The following CADPS2 variants were observed in gnomAD, a reference collection of about 807,000 sequenced individuals.
The protein encoded by CADPS2 is calcium-dependent secretion activator 2.
Under a neutral mutation model 172.5 loss-of-function variants are expected in CADPS2, and 93 were observed. That is an observed-to-expected ratio of 0.54 (90% CI 0.46 to 0.64). The LOEUF (loss-of-function observed/expected upper bound fraction) is 0.64. Ranked by LOEUF, CADPS2 falls within the 30% of genes least tolerant of loss-of-function variation. CADPS2 has a pLI of 0.00. For missense variants in CADPS2, 1,420 were observed against 1,565.9 expected (o/e 0.91, Z 1.57); for synonymous variants, 546 against 555.2 (o/e 0.98, Z 0.23).
At chr7:122,485,100 C>G (rs1225493565) in intron 11 of CADPS2, among the ~76,000 whole-genome samples, 1 of 152,168 alleles carries the variant, frequency 6.6e-6, no homozygotes, top group Non-Finnish European at 1.5e-5. Flanking sequence ...TTCCCCATCT[C>G]TCTCCCTTTT....
At chr7:122,800,501 T>C (rs1160990667) in intron 1 of CADPS2, among the ~76,000 whole-genome samples, 1 of 152,158 alleles carries the variant, frequency 6.6e-6, no homozygotes, top group African/African-American at 2.4e-5. Context: ...CTTCTTAAAA[T>C]TGAGATTCTA....
chr7:122,812,391 C>G (rs113766340), intron 1 of CADPS2, among the ~76,000 whole-genome samples: 159 of 146,332 alleles, frequency 1.1e-3, no homozygotes, highest in African/African-American at 3.8e-3. Flanking sequence ...AAATCATAAC[C>G]ATTAAAAACA....
chr7:122,369,155 T>TGAGAGG (rs375882337), intron 25 of CADPS2, among the ~76,000 whole-genome samples: 4 of 99,464 alleles, frequency 4.0e-5, no homozygotes, highest in Non-Finnish European at 7.8e-5. Context: ...TTTTTTTTTT[T>TGAGAGG]GAGTCTCGCT....
chr7:122,836,536 T>G (rs1207623916), intron 1 of CADPS2, among the ~76,000 whole-genome samples: 3 of 152,006 alleles, frequency 2.0e-5, no homozygotes, highest in African/African-American at 7.3e-5. Flanking sequence ...AGGAGACACA[T>G]CTCACGTGCA....
chr7:122,795,514 C>T (rs1170028188), intron 1 of CADPS2, among the ~76,000 whole-genome samples: 1 of 152,070 alleles, frequency 6.6e-6, no homozygotes, highest in African/African-American at 2.4e-5. Context: ...AGCTTATCCA[C>T]CATGATCAAG....
chr7:122,643,958 T>C (rs2134614201), intron 3 of CADPS2, among the ~76,000 whole-genome samples: 1 of 152,140 alleles, frequency 6.6e-6, no homozygotes, highest in East Asian at 1.9e-4. Context: ...GTGTGGTAGC[T>C]CATGCCTGTA....
chr7:122,582,675 G>T (rs565170953), intron 6 of CADPS2, among the ~76,000 whole-genome samples: 25 of 152,170 alleles, frequency 1.6e-4, no homozygotes, highest in African/African-American at 5.1e-4. Flanking sequence ...CTTGAATATA[G>T]TCAGGCAATG....
chr7:122,705,780 AAT>A lies in CADPS2; in HGVS notation c.453+31173_453+31174del, dbSNP rs1262028390. Reference sequence around the variant, plus strand: ...ATATATAATATATGATATATTATATAATATATATCATATATAATATAATATAT... The same window carrying A: ...ATATATAATATATGATATATTATATAATATATCATATATAATATAATATAT... On this transcript the variant is annotated intron_variant, in intron 2 of 29. Transcript: ENST00000449022. Among the ~76,000 whole-genome samples, 101 of 21,032 alleles carry A rather than the reference AAT, an allele frequency of 4.8e-3. 26 individuals carry two copies. Among genetic ancestry groups the A allele is most frequent in the South Asian group, 0.019 (8 of 416 alleles). The allele number at this position is 21,032 out of a possible 152,430, so 13.8% of individuals were successfully genotyped here.
At chr7:122,395,476 G>A (rs975980871) in intron 20 of CADPS2, 1 of 152,116 alleles carries the variant, frequency 6.6e-6, no homozygotes, top group African/African-American at 2.4e-5. Context: ...TTAGCACACT[G>A]AAAGAAGCTT....
At chr7:122,641,720 G>A (rs991243079) in intron 3 of CADPS2, among the ~76,000 whole-genome samples, 2 of 151,966 alleles carry the variant, frequency 1.3e-5, no homozygotes, top group African/African-American at 4.8e-5. Flanking sequence ...AAAACACAGG[G>A]TCTTAATAAT....
chr7:122,537,201 A>ATACAACTATTTATCAAAGAAGTATATT (rs2062390881), intron 8 of CADPS2, among the ~76,000 whole-genome samples: 2 of 151,918 alleles, frequency 1.3e-5, no homozygotes, highest in African/African-American at 4.8e-5. Context: ...AGAAGCATGT[A>ATACAACTATTTATCAAAGAAGTATATT]TACAACTATT....
rs577516277 is a variant in CADPS2 at position 122,392,041 on chromosome 7, A to G, written c.3008+1155T>C. On this transcript the variant is annotated intron_variant, in intron 22 of 29. Coordinates refer to ENST00000449022, the MANE Select transcript of CADPS2 (RefSeq NM_017954.11). ...GAGGTTGTTATAAAGATTAAATGAG[A>G]TAAATAACTTGGCACTGTACTGGAA... 9.9e-5 allele frequency among the ~76,000 whole-genome samples: 15 copies of G among 152,252 alleles called. No homozygotes were observed. The East Asian group carries it at 2.9e-3, about 29-fold the overall frequency.
chr7:122,551,862 G>A (rs1263464751), intron 8 of CADPS2, among the ~76,000 whole-genome samples: 3 of 152,148 alleles, frequency 2.0e-5, no homozygotes, highest in African/African-American at 7.2e-5. Flanking sequence ...TTTGGTGTAT[G>A]ATGGAATACT....
chr7:122,869,567 C>CAA (rs150763303), intron 1 of CADPS2, among the ~76,000 whole-genome samples: 4 of 144,388 alleles, frequency 2.8e-5, no homozygotes, highest in African/African-American at 1.0e-4. Flanking sequence ...ACCTGCTTTA[C>CAA]AAAAAAAAAA....
At chr7:122,752,703 T>C (rs1020990825) in intron 1 of CADPS2, among the ~76,000 whole-genome samples, 4 of 152,228 alleles carry the variant, frequency 2.6e-5, no homozygotes, top group African/African-American at 4.8e-5. Context: ...AGTTATGGTA[T>C]TGTCTTCAGA....
At chr7:122,623,505 A>G (rs138415135) in intron 4 of CADPS2, among the ~76,000 whole-genome samples, 145 of 152,300 alleles carry the variant, frequency 9.5e-4, no homozygotes, top group African/African-American at 3.3e-3. Context: ...TAAAGATTCC[A>G]GACAATAAAG....
At chr7:122,862,439 G>A (rs1817188521) in intron 1 of CADPS2, among the ~76,000 whole-genome samples, 1 of 152,124 alleles carries the variant, frequency 6.6e-6, no homozygotes, top group African/African-American at 2.4e-5. Flanking sequence ...CTCCCTCCTT[G>A]CCACAGAAGG....
At chr7:122,608,785 T>C (rs2073927752) in intron 6 of CADPS2, among the ~76,000 whole-genome samples, 1 of 152,172 alleles carries the variant, frequency 6.6e-6, no homozygotes, top group African/African-American at 2.4e-5. Context: ...CTGGTGTTTT[T>C]ATTTTTTTCT....
intron 27 of CADPS2, among the ~76,000 whole-genome samples, chr7:122,356,521 G>A (rs992218725): frequency 2.0e-5 from 3 of 151,958 alleles, no homozygotes; most frequent in Non-Finnish European, 4.4e-5. Context: ...TGTACTCTTC[G>A]GAAGGAAGTT....
Sources: gnomAD v4.1 joint callset for allele counts (sites outside exome capture counted in the v4.1 genomes callset) on GRCh38, gnomAD v4.1.1 for gene constraint, MANE v1.5 for transcripts, NCBI Gene and HGNC (gene_info 2026-07-23, HGNC 2026-07-21) for gene names.